The following CEP72 variants were observed in gnomAD, a reference collection of about 807,000 sequenced individuals.
The protein encoded by CEP72 is centrosomal protein of 72 kDa.
Under a neutral mutation model 65.7 loss-of-function variants are expected in CEP72, and 78 were observed. That is an observed-to-expected ratio of 1.19 (90% CI 0.99 to 1.43). CEP72 has a LOEUF of 1.43. Ranked by LOEUF, CEP72 falls within the 40% of genes most tolerant of loss-of-function variation. The pLI is 0.00. For missense variants in CEP72, 914 were observed against 832.9 expected, an observed-to-expected ratio of 1.10 and a Z score of -1.20; for synonymous variants, 358 against 351.7, an observed-to-expected ratio of 1.02 and a Z score of -0.20.
the CEP72 span, among the ~76,000 whole-genome samples, chr5:673,744 G>A: frequency 6.6e-6 from 1 of 152,254 alleles, no homozygotes; most frequent in Non-Finnish European, 1.5e-5. Flanking sequence ...GCTGGAGCAG[G>A]GGGCCAAGCT....
At chr5:637,910 G>A (rs1047350515) in intron 7 of CEP72, 92 bp downstream of exon 7, 27 of 1,222,036 alleles carry the variant, frequency 2.2e-5, no homozygotes, top group South Asian at 1.3e-4. Context: ...TTACGCCTGC[G>A]GCACTGACTG....
chr5:615,327 G>T (rs969333000), intron 1 of CEP72, among the ~76,000 whole-genome samples: 52 of 152,006 alleles, frequency 3.4e-4, no homozygotes, highest in African/African-American at 1.2e-3. Context: ...GTAGAGACGG[G>T]GTTTCACCAT....
chr5:675,101 A>G, the CEP72 span, among the ~76,000 whole-genome samples: 2 of 4,974 alleles, frequency 4.0e-4, no homozygotes, highest in Admixed American at 2.0e-3. Flanking sequence ...CAGTGTGGTC[A>G]GGGGTGCAGC....
At chr5:670,232 T>C (rs1268615289), downstream of CEP72, among the ~76,000 whole-genome samples, 1 of 152,080 alleles carries the variant, frequency 6.6e-6, no homozygotes, top group Non-Finnish European at 1.5e-5. Flanking sequence ...CTCGGGACTG[T>C]GCATCCAGCA....
downstream of CEP72, among the ~76,000 whole-genome samples, chr5:670,645 G>A (rs1025814405): frequency 2.0e-5 from 3 of 152,122 alleles, no homozygotes; most frequent in South Asian, 2.1e-4. Flanking sequence ...CATCCTGCAC[G>A]TCGCTCCGAG....
intron 9 of CEP72, chr5:643,676 C>A (rs1738215099): frequency 4.1e-6 from 4 of 985,246 alleles, no homozygotes; most frequent in Non-Finnish European, 4.8e-6. Context: ...CCAGGTGAGA[C>A]GGGATCCCTG....
At chr5:668,431 C>G (rs1306473726), downstream of CEP72, among the ~76,000 whole-genome samples, 1 of 126,004 alleles carries the variant, frequency 7.9e-6, no homozygotes, top group Non-Finnish European at 1.8e-5. Context: ...GCCGCGTGGG[C>G]GCCGTCAGGG....
intron 4 of CEP72, among the ~76,000 whole-genome samples, chr5:628,619 A>C (rs2458812): frequency 0.082 from 1,714 of 20,994 alleles, 75 homozygotes; most frequent in African/African-American, 0.12. Context: ...CTCAGGTCGC[A>C]GTCCCCGGGG....
Position 615,134 on chromosome 5 carries a change from C to CTTTTTTT in CEP72, c.82+2703_82+2709dup, listed in dbSNP as rs373343998. ...CCCTTTTAGTATATGTAGTCTTCCT[C>CTTTTTTT]TTTTTTTTTTTTTTTTTTGAGACAG... On this transcript the variant is annotated intron_variant, in intron 1 of 11. Transcript: ENST00000264935. 1.7e-5 allele frequency among the ~76,000 whole-genome samples: 2 copies of CTTTTTTT among 120,344 alleles called. 1 individual carries two copies. The highest frequency in any genetic ancestry group is 3.3e-5 in the Non-Finnish European group (2 of 60,536). 79.0% of individuals were successfully genotyped at this position (120,344 alleles called of 152,430 possible).
intron 5 of CEP72, 24 bp from the exon 6 acceptor site, chr5:635,348 A>G (rs990160091): frequency 1.3e-6 from 2 of 1,492,636 alleles, no homozygotes; most frequent in Non-Finnish European, 1.8e-6. Flanking sequence ...TTTATGAAAT[A>G]TTTTATTTAC....
downstream of CEP72, among the ~76,000 whole-genome samples, chr5:670,447 C>T (rs527521411): frequency 4.3e-4 from 65 of 152,232 alleles, no homozygotes; most frequent in Middle Eastern, 3.4e-3. Flanking sequence ...TGTACTTAGG[C>T]GAGTCTGAGA....
chr5:628,514 C>CG (rs1561036783), intron 4 of CEP72, among the ~76,000 whole-genome samples: 4 of 148,028 alleles, frequency 2.7e-5, no homozygotes, highest in African/African-American at 1.0e-4. Flanking sequence ...CAGGACCCAG[C>CG]CCCCTTCTTT....
chr5:658,919 C>T (rs929446325), downstream of CEP72, among the ~76,000 whole-genome samples: 9 of 152,258 alleles, frequency 5.9e-5, no homozygotes, highest in East Asian at 5.8e-4. Context: ...CTGCCCGCCT[C>T]GGCCTCCCAA....
At chr5:642,509 G>C (rs1738124377) in intron 9 of CEP72, 1 of 985,514 alleles carries the variant, frequency 1.0e-6, no homozygotes, top group African/African-American at 1.7e-5. Context: ...TTGCCCTTCT[G>C]AGCCTGGGAC....
At chr5:641,249 C>A (rs1296501041) in intron 9 of CEP72, 2 of 985,406 alleles carry the variant, frequency 2.0e-6, no homozygotes, top group East Asian at 1.1e-4. Flanking sequence ...GCTGCAAGGG[C>A]CTCCCCACGG....
Position 620,093 on chromosome 5 carries a change from G to T in CEP72, c.235G>T (p.Glu79Ter), listed in dbSNP as rs781307695. The change falls in exon 3 of 12, where the codon GAG becomes TAG. Residue 79 changes from glutamate (E) to a stop codon, truncating the protein, a stop_gained. Transcript: ENST00000264935. LOFTEE classifies it high-confidence loss of function. ...LEGIQYLTAL[E>*]SLNLYYNCIS... ...GGGCATTCAGTACCTGACTGCATTG[G>T]AGAGTCTCAATCTCTACTACAACTG... 1 of 1,611,936 alleles carries T rather than the reference G, an allele frequency of 6.2e-7. No individual in the cohort carries two copies. Among genetic ancestry groups the T allele is most frequent in the South Asian group, 1.1e-5 (1 of 91,062 alleles).
intron 10 of CEP72, among the ~76,000 whole-genome samples, chr5:646,341 C>A (rs371436027): frequency 1.3e-5 from 2 of 152,122 alleles, no homozygotes; most frequent in African/African-American, 4.8e-5. Context: ...CTTTTTGTCT[C>A]GTAGGGATGT....
chr5:656,537 G>A (rs544720087), downstream of CEP72, among the ~76,000 whole-genome samples: 4 of 152,100 alleles, frequency 2.6e-5, no homozygotes, highest in Non-Finnish European at 4.4e-5. Flanking sequence ...GTTATTTTGC[G>A]ATGCTGTTTT....
At chr5:665,335 G>C in intron 3 of CEP72, 3 of 1,571,996 alleles carry the variant, frequency 1.9e-6, no homozygotes, top group East Asian at 2.3e-5. Context: ...GGTGAGTTGC[G>C]AGCCAGGTGA....
Sources: allele counts gnomAD v4.1 joint callset (sites outside exome capture counted in the v4.1 genomes callset), GRCh38; gene constraint gnomAD v4.1.1; transcripts MANE v1.5; gene names NCBI Gene and HGNC (gene_info 2026-07-23, HGNC 2026-07-21).